The following PARP4 variants were observed in gnomAD, a reference collection of about 807,000 sequenced individuals.
The protein encoded by PARP4 is protein mono-ADP-ribosyltransferase PARP4.
A neutral mutation model predicts 187.7 loss-of-function variants in PARP4; 120 were observed. The observed-to-expected ratio is 0.64, with a 90% CI of 0.55 to 0.74. PARP4 has a LOEUF of 0.74. Among genes scored for constraint, PARP4 ranks in the 30% least tolerant of loss-of-function variants. The pLI, the probability that PARP4 is intolerant of heterozygous loss-of-function variation, is 0.00. For synonymous variants in PARP4, 654 were observed against 740.9 expected (o/e 0.88, Z 1.90); for missense variants, 1,836 against 2,070.5 (o/e 0.89, Z 2.20).
At chr13:24,454,588 T>C (rs1593608417) in intron 22 of PARP4, among the ~76,000 whole-genome samples, 1 of 152,332 alleles carries the variant, frequency 6.6e-6, no homozygotes, top group African/African-American at 2.4e-5. Context: ...AAATGTTTTG[T>C]CCTTAGACTT....
At chr13:24,500,282 G>A in intron 4 of PARP4, 34 bp downstream of exon 4, 2 of 1,314,002 alleles carry the variant, frequency 1.5e-6, no homozygotes, top group Non-Finnish European at 2.2e-6. Flanking sequence ...TACAAACTCT[G>A]TAGAGTCCCA....
rs557915371 is a variant in PARP4, at chr13:24,485,297, T to G, written c.1353-549A>C. On this transcript the variant is annotated intron_variant, in intron 11 of 33. Coordinates refer to ENST00000381989, the MANE Select transcript of PARP4 (RefSeq NM_006437.4). The stretch of plus-strand genomic sequence containing the variant: ...ATATTAATGTCACCCTCATTGTGCT[T>G]CTTTTCCAGAATTATTCTGGTAATT... 6.6e-5 allele frequency among the ~76,000 whole-genome samples: 10 copies of G among 152,316 alleles called. No individual in the cohort carries two copies. The South Asian group carries it at 1.2e-3, about 19-fold the overall frequency.
Position 24,493,665 on chromosome 13 carries a change from A to C in PARP4, c.810T>G (p.Ile270Met). Residue 270 changes from isoleucine to methionine, a missense_variant, in exon 8 of 34, where the codon ATT (isoleucine) becomes ATG (methionine). Transcript: ENST00000381989. ...SQEVSDLVEM[I>M]WAEALGHLEH... ...CCAGGTGGCCCAGGGCCTCTGCCCA[A>C]ATCATCTCTACTAAATCGCTCACCT... 1 of 1,614,106 alleles carries C rather than the reference A, an allele frequency of 6.2e-7. No homozygotes were observed. The highest frequency in any genetic ancestry group is 1.3e-5 in the African/African-American group (1 of 75,048).
At chr13:24,491,938 G>A (rs1240256695) in intron 9 of PARP4, among the ~76,000 whole-genome samples, 2 of 152,198 alleles carry the variant, frequency 1.3e-5, no homozygotes, top group Non-Finnish European at 2.9e-5. Flanking sequence ...TGCAGATCAC[G>A]AGGAAGCCAG....
At chr13:24,425,457 G>A (rs9511249) in intron 33 of PARP4, among the ~76,000 whole-genome samples, 65,013 of 151,706 alleles carry the variant, frequency 0.43, 14,653 homozygotes, top group African/African-American at 0.57. Context: ...TTATTAGTTT[G>A]ATTAGTTTTC....
intron 25 of PARP4, among the ~76,000 whole-genome samples, chr13:24,449,293 C>T (rs1229638796): frequency 1.4e-5 from 2 of 146,596 alleles, no homozygotes; most frequent in Non-Finnish European, 3.0e-5. Context: ...GAGGCTGAGG[C>T]AGAAGAATGG....
In PARP4 at chr13:24,435,225, T is replaced by G. The variant is rs1359213716; in HGVS notation, c.3916A>C (p.Ser1306Arg). Residue 1306 changes from serine (S) to arginine (R), a missense_variant, in exon 31 of 34, where the codon AGT becomes CGT. Physicochemically the swap from Ser to Arg is moderately radical, Grantham distance 110. Coordinates refer to ENST00000381989, the MANE Select transcript of PARP4 (RefSeq NM_006437.4). ...TATEPLFKKV[S>R]PWETSTSSFF... ...CTAGAAGTAGATGTTTCCCATGGACTGACTTTCTTAAATAGTGGTTCAGTT... is the reference window on the plus strand; with the variant it reads ...CTAGAAGTAGATGTTTCCCATGGACGGACTTTCTTAAATAGTGGTTCAGTT... 1.9e-6 allele frequency: 3 copies of G among 1,614,166 alleles called. No homozygotes were observed. In the South Asian group the frequency reaches 3.3e-5, roughly 18 times the overall value.
chr13:24,450,277 A>G (rs1871440413), intron 24 of PARP4, among the ~76,000 whole-genome samples: 1 of 151,674 alleles, frequency 6.6e-6, no homozygotes, highest in South Asian at 2.1e-4. Context: ...AGCAACTCTC[A>G]CTCTAGCAAA....
At chr13:24,487,115 C>G (rs113924420) in intron 10 of PARP4, among the ~76,000 whole-genome samples, 16,382 of 151,466 alleles carry the variant, frequency 0.11, 904 homozygotes, top group African/African-American at 0.12. Context: ...CAAAAATTAG[C>G]AGGGCATGGT....
At chr13:24,424,464 T>C (rs372813027) in intron 33 of PARP4, among the ~76,000 whole-genome samples, 4 of 152,186 alleles carry the variant, frequency 2.6e-5, no homozygotes, top group Non-Finnish European at 5.9e-5. Context: ...TCCTCTATTC[T>C]CTGATCTAAT....
intron 32 of PARP4, among the ~76,000 whole-genome samples, 153 bp from the exon 33 acceptor site, chr13:24,426,751 C>T (rs9511253): frequency 0.16 from 24,707 of 151,150 alleles, 2,661 homozygotes; most frequent in East Asian, 0.36. Context: ...AAAAATTAGC[C>T]GGGGGTGGCA....
intron 23 of PARP4, among the ~76,000 whole-genome samples, chr13:24,453,258 T>G (rs187459990): frequency 1.4e-5 from 2 of 138,036 alleles, no homozygotes; most frequent in African/African-American, 2.9e-5. Context: ...TTCTTTCTTT[T>G]TTTTTTTTAA....
Position 24,455,181 on chromosome 13 carries a change from T to G in PARP4, c.2594A>C (p.Asp865Ala), listed in dbSNP as rs772926523. 1 of 1,596,534 alleles carries G rather than the reference T, an allele frequency of 6.3e-7. No homozygotes were observed. ...ACTGGCTAGGTCAGGGAGGTCGACA[T>G]CGAGATCGGGTTGAAAGACAAGCAT... ...ACMLVFQPDL[D>A]VDLPDLASES... Residue 865 changes from aspartate to alanine, a missense_variant, in exon 22 of 34, where the codon GAT (aspartate) becomes GCT (alanine). Asp to Ala is a moderately radical substitution (Grantham distance 126). Coordinates refer to ENST00000381989, the MANE Select transcript of PARP4 (RefSeq NM_006437.4).
At position 24,498,309 on chromosome 13, in the gene PARP4, A is replaced by G. The variant is rs966557733; in HGVS notation, c.478-80T>C. 8 of 767,960 alleles carry G rather than the reference A, an allele frequency of 1.0e-5. No individual in the cohort carries two copies. In the African/African-American group the frequency reaches 1.2e-4, roughly 12 times the overall value. The allele number at this position is 767,960 out of a possible 1,614,324, so 47.6% of individuals were successfully genotyped here. On this transcript the variant is annotated intron_variant, in intron 5 of 33. Transcript: ENST00000381989. ...GTGCCATTTGAAAATGTTGATTATA[A>G]TTATAAAATATGTTCATTTAGAGAT...
rs967367962 is a variant in PARP4 at position 24,480,066 on chromosome 13, G to A, written c.1449-1790C>T. On this transcript the variant is annotated intron_variant, in intron 12 of 33. Transcript: ENST00000381989. Reference sequence around the variant, plus strand: ...GAAGGAAGAAACTCCGAACACATCTGAACATCAGAAGGAACAAACTCTGGA... The same window carrying A: ...GAAGGAAGAAACTCCGAACACATCTAAACATCAGAAGGAACAAACTCTGGA... 3.4e-5 allele frequency among the ~76,000 whole-genome samples: 5 copies of A among 149,122 alleles called. No homozygotes were observed. The East Asian group carries it at 9.7e-4, about 29-fold the overall frequency.
At chr13:24,501,427 C>A (rs1242226883) in intron 3 of PARP4, among the ~76,000 whole-genome samples, 2 of 152,166 alleles carry the variant, frequency 1.3e-5, no homozygotes, top group Non-Finnish European at 2.9e-5. Context: ...TTGAGTCTGA[C>A]CCTACTAGGC....
intron 15 of PARP4, among the ~76,000 whole-genome samples, chr13:24,472,904 T>TC (rs1400718505): frequency 5.3e-5 from 8 of 150,302 alleles, no homozygotes; most frequent in Non-Finnish European, 1.0e-4. Context: ...TTTTTTTTTT[T>TC]TTTTTTTTTG....
chr13:24,435,441 G>A lies in PARP4; in HGVS notation c.3700C>T (p.Arg1234Cys), dbSNP rs775501817. 71 of 1,606,750 alleles carry A rather than the reference G, an allele frequency of 4.4e-5. No individual in the cohort carries two copies. The highest frequency in any genetic ancestry group is 5.9e-5 in the Non-Finnish European group (70 of 1,178,094). The change falls in exon 31 of 34, where the codon CGT becomes TGT. Residue 1234 changes from arginine (R) to cysteine (C), a missense_variant. Physicochemically the swap from Arg to Cys is radical, Grantham distance 180. Coordinates refer to ENST00000381989, the MANE Select transcript of PARP4 (RefSeq NM_006437.4). The part of the protein sequence containing the change: ...LLASSEWPEL[R>C]LSKRKHRKIP... The stretch of plus-strand genomic sequence containing the variant: ...TTCCTATGTTTTCGTTTGGATAAAC[G>A]TAATTCTGGCCACTCAGAGGATGCT...
chr13:24,498,065 G>A (rs1322912686), intron 6 of PARP4, 51 bp downstream of exon 6: 2 of 1,292,214 alleles, frequency 1.5e-6, no homozygotes, highest in African/African-American at 2.9e-5. Context: ...ATTGAAATGA[G>A]TTATGAACAG....
Sources: gnomAD v4.1 joint callset for allele counts (sites outside exome capture counted in the v4.1 genomes callset) on GRCh38, gnomAD v4.1.1 for gene constraint, MANE v1.5 for transcripts, NCBI Gene and HGNC (gene_info 2026-07-23, HGNC 2026-07-21) for gene names.